The following ASTN2 variants were observed in gnomAD, a reference collection of about 807,000 sequenced individuals.
ASTN2 encodes astrotactin-2.
Under a neutral mutation model 139.8 loss-of-function variants are expected in ASTN2, and 54 were observed. The ratio of observed to expected loss-of-function variants is 0.39; its 90% confidence interval spans 0.31 to 0.48. ASTN2 has a LOEUF of 0.48. Among genes scored for constraint, ASTN2 ranks in the 20% least tolerant of loss-of-function variants. ASTN2 has a pLI of 0.95. For synonymous variants in ASTN2, 756 were observed against 719.5 expected, an observed-to-expected ratio of 1.05 and a Z score of -0.81; for missense variants, 1,565 against 1,725.1, an observed-to-expected ratio of 0.91 and a Z score of 1.64.
At chr9:116,756,811 T>G (rs908848065) in intron 13 of ASTN2, among the ~76,000 whole-genome samples, 1 of 137,570 alleles carries the variant, frequency 7.3e-6, no homozygotes, top group African/African-American at 2.7e-5. Flanking sequence ...ACACACACAC[T>G]TGGTCATCGG....
intron 16 of ASTN2, chr9:116,686,915 A>T (rs1032652711): frequency 6.6e-7 from 1 of 1,505,238 alleles, no homozygotes; most frequent in Admixed American, 2.1e-5. Context: ...TGGAAGTTTG[A>T]TTTTTCCGTT....
At chr9:116,966,217 AG>A (rs1383793833) in intron 10 of ASTN2, among the ~76,000 whole-genome samples, 3 of 152,214 alleles carry the variant, frequency 2.0e-5, no homozygotes, top group Admixed American at 2.0e-4. Flanking sequence ...GTATCTGCAA[AG>A]CTTTCTATAA....
intron 3 of ASTN2, among the ~76,000 whole-genome samples, chr9:117,169,213 A>C (rs1830735998): frequency 6.6e-6 from 1 of 152,084 alleles, no homozygotes; most frequent in South Asian, 2.1e-4. Context: ...AAAAAGAAAA[A>C]AAAAAAATCT....
At chr9:117,008,970 T>C (rs1254508293) in intron 6 of ASTN2, among the ~76,000 whole-genome samples, 1 of 152,014 alleles carries the variant, frequency 6.6e-6, no homozygotes, top group Non-Finnish European at 1.5e-5. Context: ...CCCCAGCACC[T>C]CTAAGGAAAA....
intron 11 of ASTN2, 74 bp downstream of exon 11, chr9:116,863,509 C>G: frequency 6.4e-7 from 1 of 1,557,084 alleles, no homozygotes; most frequent in Non-Finnish European, 8.7e-7. Context: ...AGCGTTCCCT[C>G]GCAGGGCAGG....
intron 1 of ASTN2, among the ~76,000 whole-genome samples, chr9:117,324,683 T>A (rs1828454200): frequency 6.6e-6 from 1 of 151,842 alleles, no homozygotes. Context: ...AGAAAAAAAA[T>A]TATGCAATCC....
In ASTN2 at chr9:117,141,399, G is replaced by T. The variant is rs377391261; in HGVS notation, c.1095C>A (p.Ile365=). The change falls in exon 4 of 23, where the codon ATC becomes ATA. Residue 365 remains isoleucine (I), a synonymous_variant. Coordinates refer to ENST00000313400, the MANE Select transcript of ASTN2 (RefSeq NM_001365068.1). ...GGGGTGGTTGCAGCTGACCGATCTC[G>T]ATGGGCGTGTTAGCGCGGAAACTCT... ...FKESFRANTP[I]EIGQLQPPLR... is the part of the protein sequence containing the mutation. The T allele has an allele frequency of 1.5e-6, 2 of 1,367,512 alleles. No individual in the cohort carries two copies. Among genetic ancestry groups the T allele is most frequent in the Admixed American group, 3.8e-5 (2 of 52,540 alleles). 84.7% of individuals were successfully genotyped at this position (1,367,512 alleles called of 1,614,324 possible).
At chr9:117,316,668 G>A (rs1161845428) in intron 1 of ASTN2, among the ~76,000 whole-genome samples, 1 of 152,142 alleles carries the variant, frequency 6.6e-6, no homozygotes, top group Non-Finnish European at 1.5e-5. Flanking sequence ...TGCCTCCATT[G>A]AATGACCGGA....
intron 7 of ASTN2, among the ~76,000 whole-genome samples, chr9:116,983,883 G>A (rs573768392): frequency 6.6e-6 from 1 of 152,296 alleles, no homozygotes; most frequent in African/African-American, 2.4e-5. Context: ...TCAGCTTAGA[G>A]CCAAGGGCAG....
At chr9:116,473,720 T>A (rs960639906) in intron 20 of ASTN2, among the ~76,000 whole-genome samples, 1 of 152,132 alleles carries the variant, frequency 6.6e-6, no homozygotes, top group African/African-American at 2.4e-5. Flanking sequence ...TGGGCCAACA[T>A]GGCAAAATGC....
intron 17 of ASTN2, among the ~76,000 whole-genome samples, chr9:116,645,106 C>T (rs537921122): frequency 6.6e-6 from 1 of 152,210 alleles, no homozygotes; most frequent in East Asian, 1.9e-4. Flanking sequence ...AAAGTCAGAT[C>T]ACATAGACAG....
chr9:117,071,915 C>T (rs1828143536), intron 5 of ASTN2, among the ~76,000 whole-genome samples: 1 of 152,136 alleles, frequency 6.6e-6, no homozygotes, highest in Non-Finnish European at 1.5e-5. Flanking sequence ...CTGTCTGGCA[C>T]TCCCTAGTGA....
At chr9:117,238,564 C>T (rs1175338542) in intron 2 of ASTN2, among the ~76,000 whole-genome samples, 3 of 152,212 alleles carry the variant, frequency 2.0e-5, no homozygotes, top group African/African-American at 4.8e-5. Context: ...ATCTCCTCCA[C>T]AAAGCTCTTC....
chr9:116,728,116 T>C (rs1253954164), intron 15 of ASTN2, among the ~76,000 whole-genome samples: 1 of 152,204 alleles, frequency 6.6e-6, no homozygotes, highest in Admixed American at 6.5e-5. Context: ...CATTCATTCC[T>C]TATTTTTCAG....
At chr9:116,752,578 A>G (rs1053366946) in intron 13 of ASTN2, among the ~76,000 whole-genome samples, 1 of 152,244 alleles carries the variant, frequency 6.6e-6, no homozygotes, top group Non-Finnish European at 1.5e-5. Context: ...TACTGTTAAG[A>G]GAATGAAAAG....
chr9:116,491,135 C>T (rs1849506995), intron 19 of ASTN2, among the ~76,000 whole-genome samples: 1 of 152,056 alleles, frequency 6.6e-6, no homozygotes, highest in African/African-American at 2.4e-5. Flanking sequence ...ACTAGTCATA[C>T]CAAGATCATT....
chr9:117,016,650 A>AG (rs1564386034), intron 6 of ASTN2, among the ~76,000 whole-genome samples: 1 of 109,232 alleles, frequency 9.2e-6, no homozygotes, highest in Admixed American at 9.1e-5. Context: ...ATATATATAT[A>AG]TATATAACCT....
At chr9:117,164,801 A>G (rs1189365026) in intron 3 of ASTN2, among the ~76,000 whole-genome samples, 2 of 152,090 alleles carry the variant, frequency 1.3e-5, no homozygotes, top group African/African-American at 2.4e-5. Flanking sequence ...CTCACTGGGC[A>G]TCTGATTCTC....
In ASTN2 at chr9:116,933,340, G is replaced by T. The variant is rs543934986; in HGVS notation, c.1889+41868C>A. ...AGACTGGCTTTCTCTGAGAACTCTGGATGCTGATGTTTTTTGTTTTCTTGT... is the reference window on the plus strand; with the variant it reads ...AGACTGGCTTTCTCTGAGAACTCTGTATGCTGATGTTTTTTGTTTTCTTGT... On this transcript the variant is annotated intron_variant, in intron 10 of 22. Transcript: ENST00000313400. Among the ~76,000 whole-genome samples, 210 of 152,154 alleles carry T rather than the reference G, an allele frequency of 1.4e-3. 2 individuals are homozygous for T. Among genetic ancestry groups the T allele is most frequent in the Non-Finnish European group, 2.5e-3 (169 of 68,016 alleles).
Sources: gnomAD v4.1 joint callset for allele counts (sites outside exome capture counted in the v4.1 genomes callset) on GRCh38, gnomAD v4.1.1 for gene constraint, MANE v1.5 for transcripts, NCBI Gene and HGNC (gene_info 2026-07-23, HGNC 2026-07-21) for gene names.